EML6: variants seen among roughly 807,000 people sequenced by gnomAD.
The protein encoded by EML6 is echinoderm microtubule-associated protein-like 6.
In EML6, 154 loss-of-function variants were observed where a neutral mutation model predicts 240.1. The observed-to-expected ratio is 0.64, with a 90% CI of 0.56 to 0.73. The LOEUF is 0.73. Ranked by LOEUF, EML6 falls within the 30% of genes least tolerant of loss-of-function variation. EML6 has a pLI of 0.00. For synonymous variants in EML6, 1,148 were observed against 899.0 expected (o/e 1.28, Z -4.95); for missense variants, 2,964 against 2,474.6 (o/e 1.20, Z -4.20).
intron 26 of EML6, among the ~76,000 whole-genome samples, chr2:54,918,621 A>G (rs1012435955): frequency 6.6e-5 from 10 of 152,202 alleles, no homozygotes; most frequent in Non-Finnish European, 1.0e-4. Context: ...TATTGGAATT[A>G]TAATCATGAG....
intron 39 of EML6, among the ~76,000 whole-genome samples, chr2:54,967,591 T>C (rs1217732181): frequency 6.6e-6 from 1 of 151,940 alleles, no homozygotes; most frequent in Non-Finnish European, 1.5e-5. Context: ...GAATCAAAGA[T>C]GGGGGTAACT....
At chr2:54,792,972 G>A (rs1464926354) in intron 2 of EML6, among the ~76,000 whole-genome samples, 1 of 152,176 alleles carries the variant, frequency 6.6e-6, no homozygotes, top group African/African-American at 2.4e-5. Context: ...TTGGTTTAAA[G>A]TTTTTGATCT....
At chr2:54,899,864 A>G in intron 22 of EML6, 82 bp downstream of exon 22, 2 of 1,361,072 alleles carry the variant, frequency 1.5e-6, no homozygotes, top group East Asian at 2.6e-5. Flanking sequence ...GTTAATATTT[A>G]CTGAGGGCAC....
At chr2:54,860,593 G>A (rs568770410) in intron 12 of EML6, among the ~76,000 whole-genome samples, 1 of 152,270 alleles carries the variant, frequency 6.6e-6, no homozygotes, top group East Asian at 1.9e-4. Context: ...ATATACTCTG[G>A]AAGGAGTTTG....
intron 17 of EML6, chr2:54,881,685 T>C (rs1447974900): frequency 6.7e-6 from 1 of 149,656 alleles, no homozygotes; most frequent in Non-Finnish European, 1.5e-5. Flanking sequence ...AACAGGGGCA[T>C]GATAGAAGCG....
In EML6 at chr2:54,725,342, G is replaced by T; in HGVS notation, c.197+84G>T. The T allele has an allele frequency of 1.9e-6, 2 of 1,064,098 alleles. No individual in the cohort carries two copies. The highest frequency in any genetic ancestry group is 2.6e-6 in the Non-Finnish European group (2 of 778,744). 65.9% of individuals were successfully genotyped at this position (1,064,098 alleles called of 1,614,324 possible). Reference sequence around the variant, plus strand: ...AAGCGGTTGACCTGGGGTCGGATCCGGGAGCCCCGTGGAATAGAGGATTCT... The same window carrying T: ...AAGCGGTTGACCTGGGGTCGGATCCTGGAGCCCCGTGGAATAGAGGATTCT... On this transcript the variant is annotated intron_variant, in intron 2 of 41. Transcript: ENST00000356458. The surrounding 1 kb of genome is among the most constrained non-coding windows in gnomAD (Gnocchi z 4.3).
chr2:54,912,296 A>C (rs1478221150), intron 25 of EML6, among the ~76,000 whole-genome samples: 1 of 152,116 alleles, frequency 6.6e-6, no homozygotes, highest in Non-Finnish European at 1.5e-5. Flanking sequence ...CCTCTTTTTA[A>C]CTTTTTTATA....
chr2:54,827,557 A>G lies in EML6; in HGVS notation c.526-9A>G. On this transcript the variant is annotated splice_polypyrimidine_tract_variant and intron_variant, in intron 5 of 41. Coordinates refer to ENST00000356458, the MANE Select transcript of EML6 (RefSeq NM_001039753.4). Reference sequence around the variant, plus strand: ...ATCTTGGAGATCTATTTTATCACTTACATTGTAGTTTTGGACACTGTGTGG... The same window carrying G: ...ATCTTGGAGATCTATTTTATCACTTGCATTGTAGTTTTGGACACTGTGTGG... 6.5e-7 allele frequency: 1 copy of G among 1,549,380 alleles called. No individual in the cohort carries two copies. The highest frequency in any genetic ancestry group is 1.7e-4 in the Middle Eastern group (1 of 5,878).
intron 2 of EML6, among the ~76,000 whole-genome samples, chr2:54,792,246 T>C (rs927238919): frequency 2.0e-5 from 3 of 152,246 alleles, no homozygotes; most frequent in Non-Finnish European, 2.9e-5. Flanking sequence ...TGGGTCTCGA[T>C]ATATTTTGTC....
intron 2 of EML6, among the ~76,000 whole-genome samples, chr2:54,771,197 T>C (rs1050019742): frequency 6.6e-6 from 1 of 152,198 alleles, no homozygotes; most frequent in Non-Finnish European, 1.5e-5. Context: ...ATAATTACAG[T>C]TTAGGCTCTC....
chr2:54,961,360 A>AT (rs1676505536), intron 35 of EML6, among the ~76,000 whole-genome samples: 2 of 150,236 alleles, frequency 1.3e-5, no homozygotes, highest in Admixed American at 1.3e-4. Context: ...AATTTTTTGT[A>AT]TTTTTAGTAG....
chr2:54,743,232 A>G (rs1417804105), intron 2 of EML6, among the ~76,000 whole-genome samples: 1 of 152,214 alleles, frequency 6.6e-6, no homozygotes, highest in African/African-American at 2.4e-5. Context: ...AGTTGCACTC[A>G]TGTAGCACTC....
chr2:54,829,589 A>T (rs1022660968), intron 7 of EML6, 112 bp downstream of exon 7: 2 of 768,648 alleles, frequency 2.6e-6, no homozygotes, highest in Non-Finnish European at 3.9e-6. Context: ...TTATATAAAT[A>T]TATTGAATAC....
At chr2:54,791,021 G>T (rs937313180) in intron 2 of EML6, among the ~76,000 whole-genome samples, 6 of 152,070 alleles carry the variant, frequency 3.9e-5, no homozygotes, top group African/African-American at 1.4e-4. Flanking sequence ...CACCGCGCCC[G>T]GCCGGTAACT....
chr2:54,918,931 T>G (rs190204892), intron 26 of EML6, among the ~76,000 whole-genome samples: 1 of 152,332 alleles, frequency 6.6e-6, no homozygotes, highest in African/African-American at 2.4e-5. Flanking sequence ...TGTGTAATAT[T>G]TCATCCTAGA....
chr2:54,814,361 CTCT>C lies in EML6; in HGVS notation c.357+976_357+978del, dbSNP rs201511035. Reference sequence around the variant, plus strand: ...TGCCAATCCCTCCCAACAACATTTTCTCTTCTTCCTTTGACTTACAGCAACACT... The same window carrying C: ...TGCCAATCCCTCCCAACAACATTTTCTCTTCCTTTGACTTACAGCAACACT... On this transcript the variant is annotated intron_variant, in intron 3 of 41. Transcript: ENST00000356458. Among the ~76,000 whole-genome samples, 386 of 152,302 alleles carry C rather than the reference CTCT, an allele frequency of 2.5e-3. 2 individuals carry two copies. Among genetic ancestry groups the C allele is most frequent in the African/African-American group, 8.8e-3 (367 of 41,548 alleles).
At chr2:54,899,573 C>T (rs1018909720) in intron 21 of EML6, 68 bp from the exon 22 acceptor site, 69 of 1,469,020 alleles carry the variant, frequency 4.7e-5, no homozygotes, top group Non-Finnish European at 6.1e-5. Flanking sequence ...ATATGTAGCA[C>T]CAGGCTAAAG....
chr2:54,792,378 A>C (rs1036486085), intron 2 of EML6, among the ~76,000 whole-genome samples: 1 of 152,236 alleles, frequency 6.6e-6, no homozygotes, highest in Admixed American at 6.5e-5. Flanking sequence ...ATGCTTAATA[A>C]AAACTTGATA....
chr2:54,782,036 C>G (rs1668877843), intron 2 of EML6, among the ~76,000 whole-genome samples: 1 of 152,130 alleles, frequency 6.6e-6, no homozygotes, highest in African/African-American at 2.4e-5. Flanking sequence ...AATTACAGTG[C>G]ATGTAACAAA....
Sources: gnomAD v4.1 joint callset for allele counts (sites outside exome capture counted in the v4.1 genomes callset) on GRCh38, gnomAD v4.1.1 for gene constraint, Gnocchi (gnomAD v3.1) non-coding constraint, MANE v1.5 for transcripts, NCBI Gene and HGNC (gene_info 2026-07-23, HGNC 2026-07-21) for gene names.